PCDHGA7: variants seen among roughly 807,000 people sequenced by gnomAD.
PCDHGA7 encodes protocadherin gamma-A7.
PCDHGA7 carries 44 observed loss-of-function variants against 58.3 expected under a neutral mutation model. That is an observed-to-expected ratio of 0.75 (90% CI 0.59 to 0.97). The LOEUF (loss-of-function observed/expected upper bound fraction) is 0.97, where lower values mean the gene tolerates loss of function less well. Ranked by LOEUF, PCDHGA7 falls within the 50% of genes least tolerant of loss-of-function variation. The probability of loss-of-function intolerance (pLI) is 0.00; values close to 1 mark genes in which losing one functional copy is unlikely to be tolerated. For synonymous variants in PCDHGA7, 516 were observed against 504.2 expected (o/e 1.02, Z -0.31); for missense variants, 1,266 against 1,188.7 (o/e 1.06, Z -0.96).
At chr5:141,412,931 T>A in intron 1 of PCDHGA7, 1 of 453,226 alleles carries the variant, frequency 2.2e-6, no homozygotes, top group Non-Finnish European at 3.9e-6. Context: ...CAGTAACTTC[T>A]TAGGACTCTG....
At chr5:141,483,104 A>G (rs2099577128) in intron 1 of PCDHGA7, among the ~76,000 whole-genome samples, 1 of 152,140 alleles carries the variant, frequency 6.6e-6, no homozygotes, top group African/African-American at 2.4e-5. Flanking sequence ...GTGTGCGTGT[A>G]AAACAGACAG....
At chr5:141,429,577 T>C (rs2097225544) in intron 1 of PCDHGA7, among the ~76,000 whole-genome samples, 2 of 152,230 alleles carry the variant, frequency 1.3e-5, no homozygotes, top group South Asian at 4.1e-4. Context: ...TTACATTTAC[T>C]TTTGATTCTT....
rs1342408505 is a variant in PCDHGA7 at position 141,409,977 on chromosome 5, T to C, written c.2424+24654T>C. The C allele has an allele frequency of 1.2e-6, 2 of 1,613,300 alleles. No individual in the cohort carries two copies. Among genetic ancestry groups the C allele is most frequent in the African/African-American group, 2.7e-5 (2 of 75,026 alleles). ...CCCGGCTACCTAGTGACTAAGGTGGTAGCGGTGGACGCCGACTCGGGACAC... is the reference window on the plus strand; with the variant it reads ...CCCGGCTACCTAGTGACTAAGGTGGCAGCGGTGGACGCCGACTCGGGACAC... On this transcript the variant is annotated intron_variant, in intron 1 of 3. Transcript: ENST00000518325.
At position 141,395,103 on chromosome 5, in the gene PCDHGA7, C is replaced by T. The variant is rs1462569715; in HGVS notation, c.2424+9780C>T. 9 of 1,614,156 alleles carry T rather than the reference C, an allele frequency of 5.6e-6. No homozygotes were observed. The highest frequency in any genetic ancestry group is 1.1e-5 in the South Asian group (1 of 91,074). On this transcript the variant is annotated intron_variant, in intron 1 of 3. Transcript: ENST00000518325. ...GGAAGTCTCCCTCACCGCCGACTCG[C>T]GGAAGAGTCACCTGATCTTTCCCCA... is the stretch of plus-strand genomic sequence containing the variant.
intron 1 of PCDHGA7, among the ~76,000 whole-genome samples, chr5:141,434,902 C>T (rs1591355042): frequency 6.6e-6 from 1 of 151,934 alleles, no homozygotes; most frequent in East Asian, 1.9e-4. Flanking sequence ...CCCCTTCCCT[C>T]ATACCTTATT....
Position 141,384,178 on chromosome 5 carries a change from G to A in PCDHGA7, c.1279G>A (p.Gly427Ser). The A allele has an allele frequency of 1.2e-6, 2 of 1,613,788 alleles. No homozygotes were observed. The highest frequency in any genetic ancestry group is 1.7e-6 in the Non-Finnish European group (2 of 1,179,856). Residue 427 changes from glycine to serine, a missense_variant, in exon 1 of 4, where the codon GGT becomes AGT. Transcript: ENST00000518325. The part of the protein sequence containing the change: ...LYNITLKATD[G>S]GTPPLSRETH... ...TAACATCACACTGAAAGCCACAGATGGTGGAACTCCTCCCTTGTCCAGGGA... is the reference window on the plus strand; with the variant it reads ...TAACATCACACTGAAAGCCACAGATAGTGGAACTCCTCCCTTGTCCAGGGA...
At chr5:141,404,524 G>A (rs368795324) in intron 1 of PCDHGA7, 2 of 1,613,820 alleles carry the variant, frequency 1.2e-6, no homozygotes, top group African/African-American at 1.3e-5. Context: ...ACTATGAGCA[G>A]TTTAGAGATT....
intron 1 of PCDHGA7, chr5:141,419,377 C>T: frequency 6.2e-6 from 10 of 1,613,690 alleles, no homozygotes; most frequent in Admixed American, 3.3e-5. Flanking sequence ...CCTACGTGTC[C>T]GTGAGCGCGC....
intron 1 of PCDHGA7, chr5:141,403,028 G>A (rs1396801327): frequency 6.2e-7 from 1 of 1,614,074 alleles, no homozygotes; most frequent in Admixed American, 1.7e-5. Context: ...GCTATGGGAG[G>A]CCAGGGCCAG....
At chr5:141,399,309 C>G (rs2093783867) in intron 1 of PCDHGA7, 1 of 1,613,902 alleles carries the variant, frequency 6.2e-7, no homozygotes, top group Non-Finnish European at 8.5e-7. Context: ...TCTCTTCATC[C>G]AAAAATTCGT....
intron 2 of PCDHGA7, among the ~76,000 whole-genome samples, chr5:141,498,882 G>A (rs1287566657): frequency 6.8e-6 from 1 of 147,420 alleles, no homozygotes; most frequent in African/African-American, 2.5e-5. Context: ...GCAGTGAGCT[G>A]AGATCACACC....
intron 1 of PCDHGA7, chr5:141,394,415 C>G: frequency 6.2e-7 from 1 of 1,614,242 alleles, no homozygotes; most frequent in Non-Finnish European, 8.5e-7. Flanking sequence ...TGGTAACAGC[C>G]AGCGACAGCG....
At chr5:141,478,850 A>T in intron 1 of PCDHGA7, 1 of 1,376,726 alleles carries the variant, frequency 7.3e-7, no homozygotes, top group South Asian at 1.5e-5. Context: ...AAGCTAAAAC[A>T]CAAGATCTCA....
intron 1 of PCDHGA7, among the ~76,000 whole-genome samples, chr5:141,466,080 C>A (rs1186062704): frequency 6.6e-6 from 1 of 152,108 alleles, no homozygotes; most frequent in East Asian, 1.9e-4. Flanking sequence ...TGATATCATG[C>A]CACTGCACTC....
At chr5:141,409,831 C>A (rs1015263434) in intron 1 of PCDHGA7, 1 of 1,611,128 alleles carries the variant, frequency 6.2e-7, no homozygotes, top group African/African-American at 1.3e-5. Flanking sequence ...CCACGCTCAG[C>A]GCCAACGTGA....
intron 1 of PCDHGA7, chr5:141,411,549 A>G (rs1169343676): frequency 6.6e-6 from 1 of 152,210 alleles, no homozygotes; most frequent in African/African-American, 2.4e-5. Flanking sequence ...TTGCCACTGC[A>G]CTCCAGCCTG....
At chr5:141,414,514 G>A in intron 1 of PCDHGA7, 1 of 1,613,964 alleles carries the variant, frequency 6.2e-7, no homozygotes, top group Non-Finnish European at 8.5e-7. Context: ...GCTACAAGTG[G>A]CAGATATCAA....
In PCDHGA7 at chr5:141,432,039, G is replaced by A; in HGVS notation, c.2424+46716G>A. 1 of 1,614,176 alleles carries A rather than the reference G, an allele frequency of 6.2e-7. No individual in the cohort carries two copies. The highest frequency in any genetic ancestry group is 8.5e-7 in the Non-Finnish European group (1 of 1,180,028). ...AACATCACAGTGACCGCCACTGACC[G>A]GGGAACCCCGCCCCTATCCACGGAA... On this transcript the variant is annotated intron_variant, in intron 1 of 3. Coordinates refer to ENST00000518325, the MANE Select transcript of PCDHGA7 (RefSeq NM_018920.4). This position sits in a 1 kb window ranked among gnomAD's most constrained non-coding sequence, Gnocchi z 6.0.
chr5:141,391,872 CTT>C (rs1248262671), intron 1 of PCDHGA7: 1 of 152,168 alleles, frequency 6.6e-6, no homozygotes, highest in East Asian at 1.9e-4. Context: ...TTAATCATCT[CTT>C]TGGTGAAAGG....
Sources: allele counts gnomAD v4.1 joint callset (sites outside exome capture counted in the v4.1 genomes callset), GRCh38; gene constraint gnomAD v4.1.1; non-coding constraint Gnocchi (gnomAD v3.1); transcripts MANE v1.5; gene names NCBI Gene and HGNC (gene_info 2026-07-23, HGNC 2026-07-21).